Variants in GAS2 observed in about 807,000 individuals in gnomAD.
GAS2 encodes the protein growth arrest-specific protein 2.
A neutral mutation model predicts 37.5 loss-of-function variants in GAS2; 20 were observed. The observed-to-expected ratio is 0.53, with a 90% CI of 0.37 to 0.77. The LOEUF is 0.77. GAS2 is among the 30% of genes least tolerant of loss of function. GAS2 has a pLI of 0.00. For missense variants in GAS2, 336 were observed against 373.4 expected (o/e 0.90, Z 0.82); for synonymous variants, 144 against 132.2 (o/e 1.09, Z -0.61).
chr11:22,807,359 G>A (rs1856950305), intron 7 of GAS2, among the ~76,000 whole-genome samples: 2 of 152,226 alleles, frequency 1.3e-5, no homozygotes, highest in African/African-American at 4.8e-5. Flanking sequence ...CCATTCTTAA[G>A]GTGTCCGTAT....
chr11:22,707,135 A>G (rs1360509709), intron 3 of GAS2, among the ~76,000 whole-genome samples: 1 of 152,188 alleles, frequency 6.6e-6, no homozygotes, highest in Non-Finnish European at 1.5e-5. Context: ...GATAAATTGT[A>G]TAGAATGGGT....
At chr11:22,792,705 A>C (rs1478337966) in intron 7 of GAS2, among the ~76,000 whole-genome samples, 1 of 152,330 alleles carries the variant, frequency 6.6e-6, no homozygotes, top group East Asian at 1.9e-4. Context: ...GGGTGGCCCC[A>C]TGGAACAATA....
intron 1 of GAS2, among the ~76,000 whole-genome samples, chr11:22,658,493 A>C (rs1848880513): frequency 6.6e-6 from 1 of 152,224 alleles, no homozygotes; most frequent in African/African-American, 2.4e-5. Flanking sequence ...AAAACAAAGC[A>C]AAACAACTTC....
At chr11:22,670,330 T>A (rs1341299545) in intron 1 of GAS2, among the ~76,000 whole-genome samples, 1 of 150,200 alleles carries the variant, frequency 6.7e-6, no homozygotes, top group Non-Finnish European at 1.5e-5. Context: ...GTGGTAGTGA[T>A]GTCCTCTCAC....
At chr11:22,697,510 A>C (rs1386840686) in intron 3 of GAS2, among the ~76,000 whole-genome samples, 1 of 152,202 alleles carries the variant, frequency 6.6e-6, no homozygotes, top group Non-Finnish European at 1.5e-5. Flanking sequence ...TGGGGATGGC[A>C]TTGAATCTAT....
At chr11:22,770,713 T>C (rs959484233) in intron 7 of GAS2, among the ~76,000 whole-genome samples, 1 of 152,244 alleles carries the variant, frequency 6.6e-6, no homozygotes, top group Non-Finnish European at 1.5e-5. Context: ...ATTCTCAAAG[T>C]ATATATGTCT....
intron 7 of GAS2, among the ~76,000 whole-genome samples, chr11:22,791,829 G>A (rs74692605): frequency 0.038 from 5,726 of 152,250 alleles, 345 homozygotes; most frequent in African/African-American, 0.13. Flanking sequence ...CTGTATATGA[G>A]GCCCTTCTAC....
chr11:22,784,962 G>A (rs1438826360), intron 7 of GAS2, among the ~76,000 whole-genome samples: 1 of 152,076 alleles, frequency 6.6e-6, no homozygotes, highest in Admixed American at 6.6e-5. Flanking sequence ...CCTGACACAG[G>A]CAATCCTGTG....
intron 1 of GAS2, among the ~76,000 whole-genome samples, chr11:22,673,543 A>G (rs970872797): frequency 1.3e-5 from 2 of 152,238 alleles, no homozygotes; most frequent in African/African-American, 4.8e-5. Context: ...GTTATTAAAC[A>G]TGACTATTAC....
chr11:22,809,851 C>G (rs1430453536), intron 7 of GAS2, among the ~76,000 whole-genome samples: 5 of 152,084 alleles, frequency 3.3e-5, no homozygotes, highest in Non-Finnish European at 7.4e-5. Context: ...AATTTCAGTA[C>G]TACTGGGAGG....
chr11:22,644,648 T>G (rs12277525), intron 1 of GAS2, among the ~76,000 whole-genome samples: 2,454 of 151,744 alleles, frequency 0.016, 90 homozygotes, highest in African/African-American at 0.056. Flanking sequence ...TGAGATAGAG[T>G]CTTGCTTTGT....
At chr11:22,672,502 A>G (rs887359099) in intron 1 of GAS2, 1 of 152,186 alleles carries the variant, frequency 6.6e-6, no homozygotes, top group Non-Finnish European at 1.5e-5. Context: ...CAATGAGCTT[A>G]AGAATCTGAG....
chr11:22,637,883 A>G (rs927973615), intron 1 of GAS2, among the ~76,000 whole-genome samples: 3 of 151,000 alleles, frequency 2.0e-5, no homozygotes, highest in African/African-American at 7.3e-5. Flanking sequence ...AGAAAATCTC[A>G]GAATCACAAA....
intron 7 of GAS2, among the ~76,000 whole-genome samples, chr11:22,771,143 T>G (rs7111160): frequency 6.6e-6 from 1 of 151,828 alleles, no homozygotes; most frequent in African/African-American, 2.4e-5. Context: ...GTTTTTCCCA[T>G]GATACTTTTG....
intron 3 of GAS2, among the ~76,000 whole-genome samples, chr11:22,690,115 T>A (rs765567034): frequency 6.6e-6 from 1 of 152,188 alleles, no homozygotes; most frequent in Non-Finnish European, 1.5e-5. Flanking sequence ...GATAGTTAAT[T>A]TGGAGATTTT....
At chr11:22,805,317 A>T (rs1856834353) in intron 7 of GAS2, among the ~76,000 whole-genome samples, 1 of 152,170 alleles carries the variant, frequency 6.6e-6, no homozygotes, top group South Asian at 2.1e-4. Context: ...GGAATCACTA[A>T]ATAGAGCTGA....
chr11:22,663,322 G>A (rs749490553), upstream of GAS2, among the ~76,000 whole-genome samples: 13 of 151,958 alleles, frequency 8.6e-5, no homozygotes, highest in East Asian at 3.9e-4. Context: ...CCCACCTACC[G>A]TGACACTGAG....
intron 5 of GAS2, among the ~76,000 whole-genome samples, chr11:22,740,812 T>C (rs1160878609): frequency 6.6e-6 from 1 of 152,178 alleles, no homozygotes; most frequent in Non-Finnish European, 1.5e-5. Flanking sequence ...CACAGACCCA[T>C]AGAGGATTAT....
At chr11:22,740,311 A>G (rs1853005237) in intron 5 of GAS2, among the ~76,000 whole-genome samples, 1 of 152,212 alleles carries the variant, frequency 6.6e-6, no homozygotes, top group Admixed American at 6.5e-5. Flanking sequence ...AAAAGCAGTG[A>G]TTATTCACAT....
Sources: allele counts gnomAD v4.1 joint callset (sites outside exome capture counted in the v4.1 genomes callset), GRCh38; gene constraint gnomAD v4.1.1; transcripts MANE v1.5; gene names NCBI Gene and HGNC (gene_info 2026-07-23, HGNC 2026-07-21).